DAB1: variants seen among roughly 807,000 people sequenced by gnomAD.
The protein encoded by DAB1 is DAB adaptor protein 1, also known as disabled homolog 1.
In DAB1, 15 loss-of-function variants were observed where a neutral mutation model predicts 64.6. That is an observed-to-expected ratio of 0.23 (90% confidence interval 0.16 to 0.36). DAB1 has a LOEUF of 0.36. DAB1 is among the 10% of genes least tolerant of loss of function. The pLI is 1.00. For missense variants in DAB1, 596 were observed against 706.7 expected, an observed-to-expected ratio of 0.84 and a Z score of 1.78; for synonymous variants, 235 against 251.9, an observed-to-expected ratio of 0.93 and a Z score of 0.64.
At chr1:57,086,644 A>AACACACACACACACACACAC (rs368060919) in intron 4 of DAB1, among the ~76,000 whole-genome samples, 4 of 118,530 alleles carry the variant, frequency 3.4e-5, no homozygotes, top group African/African-American at 9.9e-5. Flanking sequence ...TTCTGTCTTA[A>AACACACACACACACACACAC]ACACACACAC....
intron 6 of DAB1, among the ~76,000 whole-genome samples, chr1:57,727,726 C>CTCCTTTCTTCCTTCCT (rs1647240269): frequency 7.3e-6 from 1 of 137,022 alleles, no homozygotes; most frequent in South Asian, 2.6e-4. Flanking sequence ...CCTTCCTTCT[C>CTCCTTTCTTCCTTCCT]TCCTTCCTTC....
At chr1:57,336,052 C>T (rs1338095727) in intron 1 of DAB1, among the ~76,000 whole-genome samples, 2 of 152,194 alleles carry the variant, frequency 1.3e-5, no homozygotes, top group African/African-American at 4.8e-5. Context: ...GGCAGGCAGC[C>T]GGCATGGCAT....
intron 3 of DAB1, among the ~76,000 whole-genome samples, chr1:58,438,166 T>A (rs896348156): frequency 6.6e-6 from 1 of 152,178 alleles, no homozygotes; most frequent in Admixed American, 6.5e-5. Flanking sequence ...ACCCAAGACA[T>A]TCCACTCTTT....
intron 4 of DAB1, among the ~76,000 whole-genome samples, chr1:58,303,642 G>T (rs1165056063): frequency 6.6e-6 from 1 of 152,164 alleles, no homozygotes; most frequent in Admixed American, 6.5e-5. Context: ...AGGGAAGTTG[G>T]TACTCAAATC....
chr1:57,344,376 T>C (rs1465482582), intron 1 of DAB1, among the ~76,000 whole-genome samples: 1 of 152,188 alleles, frequency 6.6e-6, no homozygotes, highest in Non-Finnish European at 1.5e-5. Flanking sequence ...AGCTATGCCA[T>C]CGTGGTGGTG....
chr1:57,620,139 A>G lies in DAB1; in HGVS notation n.625+29453T>C, dbSNP rs533916278. 2.4e-4 allele frequency among the ~76,000 whole-genome samples: 37 copies of G among 152,244 alleles called. No individual in the cohort carries two copies. The South Asian group carries it at 6.2e-3, about 26-fold the overall frequency. ...GTTTTCAGGGGTAGCAAAAATGGCA[A>G]TCCTGGAGAATTTGTTTCTCTGGTG... On this transcript the variant is annotated intron_variant and non_coding_transcript_variant, in intron 7 of 20. Transcript: ENST00000485760.
intron 5 of DAB1, among the ~76,000 whole-genome samples, chr1:58,111,617 CT>C (rs1248212444): frequency 2.0e-5 from 3 of 152,142 alleles, no homozygotes; most frequent in African/African-American, 7.2e-5. Context: ...GAGGAAATGT[CT>C]TTCTCTGTTC....
At chr1:57,557,188 C>A (rs977291012) in intron 7 of DAB1, among the ~76,000 whole-genome samples, 1 of 152,046 alleles carries the variant, frequency 6.6e-6, no homozygotes, top group African/African-American at 2.4e-5. Flanking sequence ...TGATCAACTG[C>A]CAGCATGGCT....
At chr1:58,118,889 T>A (rs1190367692) in intron 5 of DAB1, among the ~76,000 whole-genome samples, 1 of 151,834 alleles carries the variant, frequency 6.6e-6, no homozygotes, top group Non-Finnish European at 1.5e-5. Flanking sequence ...TACACACCAG[T>A]GCTGTCCAAT....
At chr1:57,384,436 T>C (rs1034390350) in intron 1 of DAB1, among the ~76,000 whole-genome samples, 1 of 152,186 alleles carries the variant, frequency 6.6e-6, no homozygotes, top group Non-Finnish European at 1.5e-5. Context: ...GAAAGCAGTA[T>C]CATGAAGAAG....
intron 9 of DAB1, among the ~76,000 whole-genome samples, chr1:57,038,019 A>G (rs975222113): frequency 3.9e-5 from 6 of 152,172 alleles, no homozygotes; most frequent in Non-Finnish European, 8.8e-5. Context: ...TTACATTTTC[A>G]TTATTTTTGA....
At chr1:57,298,877 C>G (rs1220085403) in intron 1 of DAB1, among the ~76,000 whole-genome samples, 1 of 152,172 alleles carries the variant, frequency 6.6e-6, no homozygotes, top group African/African-American at 2.4e-5. Flanking sequence ...AGATCAGTTA[C>G]AATTTCACAA....
intron 5 of DAB1, among the ~76,000 whole-genome samples, chr1:58,070,149 A>G (rs1649141855): frequency 6.6e-6 from 1 of 152,222 alleles, no homozygotes; most frequent in Non-Finnish European, 1.5e-5. Flanking sequence ...CATCACAGAG[A>G]TAGAACTGTG....
At chr1:57,681,406 T>A (rs964736424) in intron 6 of DAB1, among the ~76,000 whole-genome samples, 42 of 152,312 alleles carry the variant, frequency 2.8e-4, no homozygotes, top group South Asian at 2.7e-3. Flanking sequence ...AGGTACTGGG[T>A]ACTTGGACTT....
intron 3 of DAB1, among the ~76,000 whole-genome samples, chr1:58,411,853 C>T (rs1298754567): frequency 6.6e-6 from 1 of 152,170 alleles, no homozygotes; most frequent in Non-Finnish European, 1.5e-5. Context: ...ATTTTGTACA[C>T]TTTGCTTTTG....
At chr1:58,337,532 A>T (rs538191122) in intron 4 of DAB1, among the ~76,000 whole-genome samples, 1 of 152,292 alleles carries the variant, frequency 6.6e-6, no homozygotes, top group African/African-American at 2.4e-5. Context: ...ACCTATTTTA[A>T]ATCTTAGCTC....
intron 5 of DAB1, among the ~76,000 whole-genome samples, chr1:58,145,709 C>G (rs1293672859): frequency 6.6e-6 from 1 of 152,170 alleles, no homozygotes; most frequent in Non-Finnish European, 1.5e-5. Context: ...CAGCTTTTAT[C>G]AAGGAGAAAA....
intron 7 of DAB1, among the ~76,000 whole-genome samples, chr1:57,576,087 T>A (rs1048371507): frequency 1.3e-5 from 2 of 152,260 alleles, no homozygotes; most frequent in African/African-American, 2.4e-5. Flanking sequence ...CAATGCACAT[T>A]CAGTAGAAAT....
chr1:57,651,516 T>C (rs985928435), intron 6 of DAB1, among the ~76,000 whole-genome samples: 1 of 152,220 alleles, frequency 6.6e-6, no homozygotes, highest in African/African-American at 2.4e-5. Flanking sequence ...GTTATATTTT[T>C]CTGGAGGTAG....
Sources: gnomAD v4.1 joint callset for allele counts (sites outside exome capture counted in the v4.1 genomes callset) on GRCh38, gnomAD v4.1.1 for gene constraint, MANE v1.5 for transcripts, NCBI Gene and HGNC (gene_info 2026-07-23, HGNC 2026-07-21) for gene names.